Variants in CDK14 observed in about 807,000 individuals in gnomAD.
The protein encoded by CDK14 is cyclin-dependent kinase 14.
CDK14 carries 34 observed loss-of-function variants against 60.7 expected under a neutral mutation model. The ratio of observed to expected loss-of-function variants is 0.56; its 90% CI spans 0.43 to 0.75. The LOEUF is 0.75. Among genes scored for constraint, CDK14 ranks in the 30% least tolerant of loss-of-function variants. CDK14 has a pLI of 0.00. For synonymous variants in CDK14, 197 were observed against 203.7 expected (o/e 0.97, Z 0.28); for missense variants, 482 against 564.1 (o/e 0.85, Z 1.47).
In CDK14 at chr7:91,102,907, C is replaced by T. The variant is rs573419280; in HGVS notation, c.1155-9635C>T. Among the ~76,000 whole-genome samples the T allele has an allele frequency of 1.1e-4, 17 of 152,260 alleles. No homozygotes were observed. The South Asian group carries it at 3.5e-3, about 32-fold the overall frequency. Reference sequence around the variant, plus strand: ...TATAACCATTGATATACTCATTACTCAAGCAAACATTCAGTCATTTAGCAG... The same window carrying T: ...TATAACCATTGATATACTCATTACTTAAGCAAACATTCAGTCATTTAGCAG... On this transcript the variant is annotated intron_variant, in intron 12 of 14. Coordinates refer to ENST00000380050, the MANE Select transcript of CDK14 (RefSeq NM_001287135.2).
At chr7:91,138,378 C>T (rs907630388) in intron 14 of CDK14, among the ~76,000 whole-genome samples, 1 of 151,996 alleles carries the variant, frequency 6.6e-6, no homozygotes, top group African/African-American at 2.4e-5. Flanking sequence ...TTTCTTAGAG[C>T]CTCTTGCTAA....
At chr7:90,997,511 G>T (rs542167181) in intron 10 of CDK14, among the ~76,000 whole-genome samples, 1 of 152,074 alleles carries the variant, frequency 6.6e-6, no homozygotes, top group Non-Finnish European at 1.5e-5. Context: ...GCAGTTCTTT[G>T]TTCTAATAAT....
intron 6 of CDK14, among the ~76,000 whole-genome samples, chr7:90,878,072 C>CTGTGTGTG (rs142735469): frequency 0.11 from 16,198 of 147,624 alleles, 989 homozygotes; most frequent in Middle Eastern, 0.22. Context: ...CATTGTGTGG[C>CTGTGTGTG]TGTGTGTGTG....
intron 5 of CDK14, among the ~76,000 whole-genome samples, chr7:90,802,489 C>G (rs1046812955): frequency 7.9e-5 from 12 of 152,168 alleles, no homozygotes; most frequent in Admixed American, 2.0e-4. Flanking sequence ...GGTCTTCAAG[C>G]TATGTGTTTG....
chr7:91,165,389 T>A (rs1278653639), intron 14 of CDK14, among the ~76,000 whole-genome samples: 1 of 152,150 alleles, frequency 6.6e-6, no homozygotes, highest in Non-Finnish European at 1.5e-5. Context: ...GGAGTCCAAA[T>A]ACATGAGTTT....
chr7:91,182,546 A>G (rs1253262073), intron 14 of CDK14, among the ~76,000 whole-genome samples: 1 of 151,980 alleles, frequency 6.6e-6, no homozygotes, highest in Non-Finnish European at 1.5e-5. Context: ...GGAAAGTAAA[A>G]CATAAAATTT....
chr7:90,936,566 T>A (rs1010906818), intron 8 of CDK14, among the ~76,000 whole-genome samples: 6 of 152,190 alleles, frequency 3.9e-5, no homozygotes, highest in African/African-American at 1.4e-4. Context: ...ATTCTGTTAG[T>A]AGATAATGGG....
At chr7:91,040,075 T>A (rs1345099029) in intron 10 of CDK14, among the ~76,000 whole-genome samples, 4 of 152,048 alleles carry the variant, frequency 2.6e-5, no homozygotes, top group Non-Finnish European at 5.9e-5. Context: ...CAGAATGAAA[T>A]CCTATCTCGA....
At position 91,024,111 on chromosome 7, in the gene CDK14, AATGATGATG is replaced by A. The variant is rs59410115; in HGVS notation, c.1042-21753_1042-21745del. ...TAAAGAAGCTAAGCAACCCATCCAA[AATGATGATG>A]ATGATGATGATGATGATGATGATGA... On this transcript the variant is annotated intron_variant, in intron 10 of 14. Coordinates refer to ENST00000380050, the MANE Select transcript of CDK14 (RefSeq NM_001287135.2). Among the ~76,000 whole-genome samples, 589 of 149,384 alleles carry A rather than the reference AATGATGATG, an allele frequency of 3.9e-3. 2 individuals carry two copies. The highest frequency in any genetic ancestry group is 0.013 in the African/African-American group (522 of 40,512).
chr7:90,945,967 T>G (rs1794086521), intron 8 of CDK14, among the ~76,000 whole-genome samples: 1 of 152,142 alleles, frequency 6.6e-6, no homozygotes, highest in Admixed American at 6.5e-5. Context: ...ACTTTGCAGC[T>G]AGGAGACCAG....
At chr7:90,809,632 C>A (rs1353162470) in intron 5 of CDK14, among the ~76,000 whole-genome samples, 1 of 152,110 alleles carries the variant, frequency 6.6e-6, no homozygotes, top group Non-Finnish European at 1.5e-5. Flanking sequence ...CAGAGCAGAA[C>A]TCAAGGAAAT....
intron 8 of CDK14, among the ~76,000 whole-genome samples, chr7:90,921,350 T>A (rs1344540464): frequency 6.6e-6 from 1 of 152,116 alleles, no homozygotes; most frequent in Non-Finnish European, 1.5e-5. Flanking sequence ...TCATGTCACC[T>A]CTTCAAAGGG....
chr7:90,725,494 C>T (rs757117505), intron 2 of CDK14, among the ~76,000 whole-genome samples: 14 of 152,142 alleles, frequency 9.2e-5, no homozygotes, highest in Non-Finnish European at 1.5e-4. Flanking sequence ...CAACCAACCA[C>T]GGACCCAAAG....
chr7:90,770,016 A>T (rs12671993), intron 4 of CDK14, among the ~76,000 whole-genome samples: 31,208 of 152,202 alleles, frequency 0.21, 3,338 homozygotes, highest in South Asian at 0.24. Context: ...AGATTTTTTT[A>T]TTAGATGCTA....
At chr7:90,620,299 AT>A (rs1015069705) in intron 2 of CDK14, among the ~76,000 whole-genome samples, 3 of 152,126 alleles carry the variant, frequency 2.0e-5, no homozygotes, top group African/African-American at 7.2e-5. Context: ...TGGGCTGGGT[AT>A]TTTTCTTTGA....
At chr7:90,803,158 G>A (rs1489894856) in intron 5 of CDK14, among the ~76,000 whole-genome samples, 2 of 150,602 alleles carry the variant, frequency 1.3e-5, no homozygotes, top group East Asian at 2.0e-4. Flanking sequence ...GTCGTTTCTT[G>A]GAAGGAGGCT....
intron 8 of CDK14, among the ~76,000 whole-genome samples, chr7:90,950,451 G>C (rs1289254015): frequency 1.3e-5 from 2 of 152,174 alleles, no homozygotes; most frequent in Non-Finnish European, 2.9e-5. Flanking sequence ...GGTCAGACTT[G>C]CTAGTGTAAT....
At chr7:91,037,877 A>AT (rs1181812159) in intron 10 of CDK14, among the ~76,000 whole-genome samples, 2 of 152,194 alleles carry the variant, frequency 1.3e-5, no homozygotes, top group East Asian at 1.9e-4. Context: ...GAATTAAGTA[A>AT]TTTTTTGTAG....
intron 5 of CDK14, among the ~76,000 whole-genome samples, chr7:90,793,516 T>C (rs1009422244): frequency 2.0e-5 from 3 of 152,064 alleles, no homozygotes; most frequent in African/African-American, 7.3e-5. Flanking sequence ...TCCAGACAGG[T>C]ATAGAAAAGG....
Sources: allele counts gnomAD v4.1 joint callset (sites outside exome capture counted in the v4.1 genomes callset), GRCh38; gene constraint gnomAD v4.1.1; transcripts MANE v1.5; gene names NCBI Gene and HGNC (gene_info 2026-07-23, HGNC 2026-07-21).